Variants in DNAH14 observed in about 807,000 individuals in gnomAD.
The protein encoded by DNAH14 is axonemal beta dynein heavy chain 14.
DNAH14 carries 478 observed loss-of-function variants against 520.9 expected under a neutral mutation model. That is an observed-to-expected ratio of 0.92 (90% CI 0.85 to 0.99). The LOEUF (loss-of-function observed/expected upper bound fraction) is 0.99, where lower values mean the gene tolerates loss of function less well. DNAH14 is among the 50% of genes least tolerant of loss of function. DNAH14 has a pLI of 0.00. For missense variants in DNAH14, 4,831 were observed against 5,234.5 expected (o/e 0.92, Z 2.38); for synonymous variants, 1,581 against 1,757.2 (o/e 0.90, Z 2.51).
At chr1:225,009,920 G>A (rs972757574) in intron 10 of DNAH14, among the ~76,000 whole-genome samples, 36 of 152,148 alleles carry the variant, frequency 2.4e-4, no homozygotes, top group Admixed American at 1.3e-3. Context: ...GTATAGGAAC[G>A]CTTGTGATTT....
intron 43 of DNAH14, among the ~76,000 whole-genome samples, chr1:225,246,217 C>G (rs887441894): frequency 6.6e-6 from 1 of 150,508 alleles, no homozygotes; most frequent in African/African-American, 2.4e-5. Flanking sequence ...ACACCTTATA[C>G]AAAAATTAAC....
At chr1:225,336,042 T>C (rs1017828319) in intron 66 of DNAH14, among the ~76,000 whole-genome samples, 2 of 100,572 alleles carry the variant, frequency 2.0e-5, no homozygotes, top group Non-Finnish European at 3.7e-5. Flanking sequence ...TACACACATA[T>C]ATGCATATAT....
chr1:225,071,640 C>T (rs1221418251), intron 17 of DNAH14, among the ~76,000 whole-genome samples: 1 of 152,012 alleles, frequency 6.6e-6, no homozygotes, highest in African/African-American at 2.4e-5. Flanking sequence ...AAAGACATAC[C>T]TAAGATTGGG....
intron 27 of DNAH14, among the ~76,000 whole-genome samples, chr1:225,136,802 T>C (rs2078986741): frequency 6.6e-6 from 1 of 152,230 alleles, no homozygotes; most frequent in Admixed American, 6.5e-5. Flanking sequence ...AGTCGTAGGT[T>C]CGTTCTCTTT....
At chr1:224,977,669 A>C (rs1000320292) in intron 8 of DNAH14, among the ~76,000 whole-genome samples, 5 of 152,158 alleles carry the variant, frequency 3.3e-5, no homozygotes, top group African/African-American at 1.2e-4. Context: ...ACTTCAATTA[A>C]ATGGTTTTCA....
At chr1:225,110,111 C>T (rs1234388467) in intron 23 of DNAH14, among the ~76,000 whole-genome samples, 2 of 152,078 alleles carry the variant, frequency 1.3e-5, no homozygotes, top group African/African-American at 4.8e-5. Context: ...ATTTTTGCAT[C>T]AATTTTCACC....
Position 225,013,468 on chromosome 1 carries a change from C to T in DNAH14, c.1107+5924C>T, listed in dbSNP as rs1007967646. 1.3e-5 allele frequency among the ~76,000 whole-genome samples: 2 copies of T among 152,200 alleles called. 1 individual carries two copies. The highest frequency in any genetic ancestry group is 4.1e-4 in the South Asian group (2 of 4,828). On this transcript the variant is annotated intron_variant, in intron 10 of 85. Transcript: ENST00000682510. Reference sequence around the variant, plus strand: ...TCAGGGACCCACTTGAGGAGGCAGTCAGTCCTTTAGCACTGTGCTGGGAGA... The same window carrying T: ...TCAGGGACCCACTTGAGGAGGCAGTTAGTCCTTTAGCACTGTGCTGGGAGA...
intron 33 of DNAH14, 42 bp from the exon 34 acceptor site, chr1:225,153,708 C>A: frequency 7.2e-7 from 1 of 1,398,370 alleles, no homozygotes; most frequent in African/African-American, 1.4e-5. Flanking sequence ...CATATTTTTT[C>A]TTTAGAAACT....
intron 1 of DNAH14, among the ~76,000 whole-genome samples, chr1:224,948,019 A>G (rs2059954869): frequency 1.3e-5 from 2 of 152,150 alleles, no homozygotes; most frequent in South Asian, 4.1e-4. Flanking sequence ...TGAGTTTTAT[A>G]TAATATATAT....
At chr1:225,304,363 C>G (rs2094199182) in intron 57 of DNAH14, among the ~76,000 whole-genome samples, 1 of 151,914 alleles carries the variant, frequency 6.6e-6, no homozygotes, top group African/African-American at 2.4e-5. Context: ...TCAAGACCAG[C>G]CTGGGCAACA....
chr1:225,300,964 C>T lies in DNAH14; in HGVS notation c.8565C>T (p.Ile2855=), dbSNP rs960889809. 1 of 1,551,360 alleles carries T rather than the reference C, an allele frequency of 6.4e-7. No homozygotes were observed. Among genetic ancestry groups the T allele is most frequent in the Non-Finnish European group, 8.7e-7 (1 of 1,146,836 alleles). ...AGCTGGATTCTATTGCAATGAAAAT[C>T]AGATATCTTACTGAACAATCTGGTC... is the stretch of plus-strand genomic sequence containing the variant. The part of the protein sequence containing the change: ...NVELDSIAMK[I]RYLTEQSGHM... Residue 2855 remains isoleucine (I), a synonymous_variant, in exon 56 of 86, where the codon ATC becomes ATT. Transcript: ENST00000682510.
At chr1:225,172,258 G>C (rs2082775483) in intron 36 of DNAH14, among the ~76,000 whole-genome samples, 1 of 152,110 alleles carries the variant, frequency 6.6e-6, no homozygotes, top group Non-Finnish European at 1.5e-5. Flanking sequence ...GGCAGTTCTG[G>C]CCAGGATAAT....
At chr1:225,315,853 C>T (rs971419330) in intron 60 of DNAH14, among the ~76,000 whole-genome samples, 2 of 152,210 alleles carry the variant, frequency 1.3e-5, no homozygotes, top group East Asian at 3.9e-4. Context: ...TGGAGCTCTC[C>T]TGTCTGTCAA....
At chr1:225,272,427 A>C (rs1190972242) in intron 51 of DNAH14, among the ~76,000 whole-genome samples, 1 of 152,248 alleles carries the variant, frequency 6.6e-6, no homozygotes, top group African/African-American at 2.4e-5. Context: ...GAATTTTAAC[A>C]GATTTTGCCA....
intron 6 of DNAH14, among the ~76,000 whole-genome samples, chr1:224,968,276 G>T (rs938343500): frequency 3.3e-5 from 5 of 152,048 alleles, no homozygotes; most frequent in Non-Finnish European, 7.4e-5. Flanking sequence ...ATTTTTTTAT[G>T]TGGTGACATT....
intron 3 of DNAH14, among the ~76,000 whole-genome samples, chr1:224,957,966 A>T (rs1019617429): frequency 3.9e-5 from 6 of 152,100 alleles, no homozygotes; most frequent in Admixed American, 2.0e-4. Flanking sequence ...AGTAGTTAAT[A>T]GTGTAGGCAT....
In DNAH14 at chr1:225,005,259, C is replaced by T. The variant is rs183840353; in HGVS notation, c.976-2154C>T. ...TAATAAAAATGTAAATATTTGTGTC[C>T]CACTCCTTTTGCAAGAGAGGGCAGT... On this transcript the variant is annotated intron_variant, in intron 9 of 85. Coordinates refer to ENST00000682510, the MANE Select transcript of DNAH14 (RefSeq NM_001367479.1). 5.3e-5 allele frequency among the ~76,000 whole-genome samples: 8 copies of T among 152,030 alleles called. No homozygotes were observed. The East Asian group carries it at 1.4e-3, about 26-fold the overall frequency.
chr1:225,003,363 G>C (rs2063910174), intron 9 of DNAH14, among the ~76,000 whole-genome samples: 1 of 151,962 alleles, frequency 6.6e-6, no homozygotes, highest in Non-Finnish European at 1.5e-5. Context: ...ATTTATATAA[G>C]ATAGCTCTTT....
chr1:225,105,597 T>C (rs1021735170), intron 23 of DNAH14, among the ~76,000 whole-genome samples: 1 of 152,216 alleles, frequency 6.6e-6, no homozygotes, highest in African/African-American at 2.4e-5. Flanking sequence ...ATATTTAGGA[T>C]AGTTAGCTCT....
Sources: gnomAD v4.1 joint callset for allele counts (sites outside exome capture counted in the v4.1 genomes callset) on GRCh38, gnomAD v4.1.1 for gene constraint, MANE v1.5 for transcripts, NCBI Gene and HGNC (gene_info 2026-07-23, HGNC 2026-07-21) for gene names.